The following KIF1A variants were observed in gnomAD, a reference collection of about 807,000 sequenced individuals.
The protein encoded by KIF1A is kinesin-like protein KIF1A.
KIF1A carries 46 observed loss-of-function variants against 227.3 expected under a neutral mutation model. The ratio of observed to expected loss-of-function variants is 0.20; its 90% CI spans 0.16 to 0.26. KIF1A has a LOEUF of 0.26. Ranked by LOEUF, KIF1A falls within the 10% of genes least tolerant of loss-of-function variation. KIF1A has a pLI of 1.00. For missense variants in KIF1A, 1,683 were observed against 2,485.9 expected (o/e 0.68, Z 6.87); for synonymous variants, 1,022 against 1,012.8 (o/e 1.01, Z -0.17).
In KIF1A at chr2:240,719,043, T is replaced by G; in HGVS notation, c.5177A>C (p.Gln1726Pro). The G allele has an allele frequency of 1.2e-6, 2 of 1,612,200 alleles. No individual in the cohort carries two copies. The highest frequency in any genetic ancestry group is 1.7e-6 in the Non-Finnish European group (2 of 1,179,418). Residue 1726 changes from glutamine to proline, a missense_variant, in exon 47 of 49, where the codon CAG becomes CCG. By Grantham distance (76) the Gln-to-Pro change is moderately conservative. This residue lies in a region of KIF1A where 384 missense variants were observed against 410.1 expected (regional missense o/e 0.94). Coordinates refer to ENST00000498729, the MANE Select transcript of KIF1A (RefSeq NM_001244008.2). ...ERFVLNLATA[Q>P]VEYSEDQQAM... Reference sequence around the variant, plus strand: ...CTGCTGGTCCTCACTGTACTCCACCTGGGCAGTGGCCAGGTTGAGCACGAA... The same window carrying G: ...CTGCTGGTCCTCACTGTACTCCACCGGGGCAGTGGCCAGGTTGAGCACGAA...
chr2:240,762,530 C>A (rs2050655544), intron 23 of KIF1A, among the ~76,000 whole-genome samples, 189 bp downstream of exon 23: 1 of 152,240 alleles, frequency 6.6e-6, no homozygotes, highest in African/African-American at 2.4e-5. Context: ...AGCTGTGGCA[C>A]AGTATCCCCC....
At chr2:240,751,180 C>G (rs945788235) in intron 27 of KIF1A, among the ~76,000 whole-genome samples, 2 of 152,156 alleles carry the variant, frequency 1.3e-5, no homozygotes, top group African/African-American at 4.8e-5. Context: ...TTCCTAGGAC[C>G]GGCCTAGGCA....
At chr2:240,810,861 G>A (rs577256591) in intron 1 of KIF1A, among the ~76,000 whole-genome samples, 14 of 152,286 alleles carry the variant, frequency 9.2e-5, no homozygotes, top group Non-Finnish European at 1.9e-4. Context: ...CCTCCTTCCC[G>A]CCAGGCCCCA....
At position 240,718,989 on chromosome 2, in the gene KIF1A, G is replaced by C; in HGVS notation, c.5214+17C>G. 1 of 1,589,648 alleles carries C rather than the reference G, an allele frequency of 6.3e-7. No homozygotes were observed. The highest frequency in any genetic ancestry group is 2.3e-5 in the East Asian group (1 of 44,202). Reference sequence around the variant, plus strand: ...TAGGGTTCCTGGTGCCCGAGCCTGAGCCGGGCCCAGCCGCACCTTGAGCAT... The same window carrying C: ...TAGGGTTCCTGGTGCCCGAGCCTGACCCGGGCCCAGCCGCACCTTGAGCAT... On this transcript the variant is annotated intron_variant, in intron 47 of 48. Coordinates refer to ENST00000498729, the MANE Select transcript of KIF1A (RefSeq NM_001244008.2).
In KIF1A at chr2:240,788,687, T is replaced by C. The variant is rs994065526; in HGVS notation, c.184-457A>G. On this transcript the variant is annotated intron_variant, in intron 3 of 48. Transcript: ENST00000498729. The surrounding 1 kb of genome is among the most constrained non-coding windows in gnomAD (Gnocchi z 6.6). ...CAGGGTGATTAGCTGGGGGTCATCC[T>C]GGAAGGAGGAAGGACTGGATGGGGA... Among the ~76,000 whole-genome samples the C allele has an allele frequency of 2.0e-5, 3 of 150,314 alleles. No homozygotes were observed. The highest frequency in any genetic ancestry group is 3.0e-5 in the Non-Finnish European group (2 of 67,474).
At chr2:240,749,532 T>C (rs1372866716) in intron 28 of KIF1A, among the ~76,000 whole-genome samples, 1 of 152,132 alleles carries the variant, frequency 6.6e-6, no homozygotes, top group Non-Finnish European at 1.5e-5. Flanking sequence ...AAAAGAGTGC[T>C]CCTTGGTGAG....
intron 41 of KIF1A, among the ~76,000 whole-genome samples, chr2:240,723,759 A>G (rs1163931836): frequency 6.6e-6 from 1 of 152,164 alleles, no homozygotes; most frequent in Non-Finnish European, 1.5e-5. Context: ...TCCCATGGCC[A>G]TCTCGGCTGT....
chr2:240,814,959 A>G (rs1187288682), intron 1 of KIF1A, among the ~76,000 whole-genome samples: 1 of 152,232 alleles, frequency 6.6e-6, no homozygotes, highest in Non-Finnish European at 1.5e-5. Flanking sequence ...TGGAGAAAAT[A>G]AAACACCAAC....
intron 40 of KIF1A, 41 bp from the exon 41 acceptor site, chr2:240,724,077 C>T (rs756476854): frequency 3.3e-5 from 52 of 1,556,412 alleles, no homozygotes; most frequent in Middle Eastern, 1.7e-4. Flanking sequence ...CACCAGGCCC[C>T]GCAACAGGGA....
Position 240,745,899 on chromosome 2 carries a change from T to C in KIF1A, c.3213A>G (p.Pro1071=), listed in dbSNP as rs201232478. Residue 1071 remains proline (P), a synonymous_variant, in exon 31 of 49, where the codon CCA becomes CCG. Transcript: ENST00000498729. ...CAGAGCTGTCTAGGAGGAGGCCTTCTGGGGGCACTGCTGCTGGGAGTCAAG... is the reference window on the plus strand; with the variant it reads ...CAGAGCTGTCTAGGAGGAGGCCTTCCGGGGGCACTGCTGCTGGGAGTCAAG... The part of the protein sequence containing the change: ...VNNNTCSAVP[P]EGLLLDSSEK... 6.9e-6 allele frequency: 11 copies of C among 1,603,336 alleles called. No individual in the cohort carries two copies. Among genetic ancestry groups the C allele is most frequent in the African/African-American group, 1.3e-5 (1 of 74,812 alleles).
At chr2:240,774,946 G>A (rs1283649045) in intron 11 of KIF1A, among the ~76,000 whole-genome samples, 1 of 152,186 alleles carries the variant, frequency 6.6e-6, no homozygotes, top group African/African-American at 2.4e-5. Flanking sequence ...TCCCCATAGG[G>A]ACTGAAGAGA....
chr2:240,769,685 C>T lies in KIF1A; in HGVS notation c.1363G>A (p.Glu455Lys). Reference sequence around the variant, plus strand: ...TTCTCCTCCCAGGTCTCATTGAGCTCAGCTATGATCTTCTCTGTTTCCTGG... The same window carrying T: ...TTCTCCTCCCAGGTCTCATTGAGCTTAGCTATGATCTTCTCTGTTTCCTGG... ...RLKETEKIIA[E>K]LNETWEEKLR... Residue 455 changes from glutamate (E) to lysine (K), a missense_variant, in exon 16 of 49, where the codon GAG (glutamate) becomes AAG (lysine). Physicochemically the swap from Glu to Lys is moderately conservative, Grantham distance 56 (BLOSUM62 1). Coordinates refer to ENST00000498729, the MANE Select transcript of KIF1A (RefSeq NM_001244008.2). 6.2e-7 allele frequency: 1 copy of T among 1,613,566 alleles called. No homozygotes were observed. The highest frequency in any genetic ancestry group is 8.5e-7 in the Non-Finnish European group (1 of 1,179,764).
At chr2:240,723,623 G>C in intron 41 of KIF1A, 65 bp from the exon 42 acceptor site, 2 of 1,470,426 alleles carry the variant, frequency 1.4e-6, no homozygotes, top group Non-Finnish European at 1.8e-6. Context: ...ACCCATCCTA[G>C]AGGTCCGCCC....
chr2:240,720,554 G>A, intron 45 of KIF1A: 1 of 181,782 alleles, frequency 5.5e-6, no homozygotes. Flanking sequence ...CAGGGGCCAG[G>A]TGTCCCCTCC....
In KIF1A at chr2:240,719,011, G is replaced by A. The variant is rs1383490161; in HGVS notation, c.5209C>T (p.Leu1737Phe). Residue 1737 changes from leucine to phenylalanine, a missense_variant, in exon 47 of 49, where the codon CTC becomes TTC. This residue lies in a region of KIF1A where 384 missense variants were observed against 410.1 expected (regional missense o/e 0.94). Transcript: ENST00000498729. ...TGAGCCGGGCCCAGCCGCACCTTGAGCATAGCCTGCTGGTCCTCACTGTAC... is the reference window on the plus strand; with the variant it reads ...TGAGCCGGGCCCAGCCGCACCTTGAACATAGCCTGCTGGTCCTCACTGTAC... ...VEYSEDQQAM[L>F]KTPNTFAVCT... 1 of 1,604,132 alleles carries A rather than the reference G, an allele frequency of 6.2e-7. No homozygotes were observed. The highest frequency in any genetic ancestry group is 8.5e-7 in the Non-Finnish European group (1 of 1,173,012).
At chr2:240,807,753 A>G (rs2057548948) in intron 1 of KIF1A, among the ~76,000 whole-genome samples, 1 of 152,258 alleles carries the variant, frequency 6.6e-6, no homozygotes, top group Non-Finnish European at 1.5e-5. Context: ...AGTTTCACTG[A>G]TGAACATAGG....
intron 10 of KIF1A, among the ~76,000 whole-genome samples, chr2:240,777,224 A>G (rs1002876834): frequency 2.0e-5 from 3 of 151,758 alleles, no homozygotes; most frequent in African/African-American, 7.3e-5. Context: ...TTGTATTTTT[A>G]AAGTAGAGAC....
chr2:240,766,741 T>A lies in KIF1A; in HGVS notation c.1684+174A>T, dbSNP rs1488371402. ...CTCCAAATCTCTCTCTCTCTCTCTC[T>A]CTCTCTCTCACACACACACACACAC... On this transcript the variant is annotated intron_variant, in intron 19 of 48. Transcript: ENST00000498729. This position sits in a 1 kb window ranked among gnomAD's most constrained non-coding sequence, Gnocchi z 5.0. 4.9e-4 allele frequency among the ~76,000 whole-genome samples: 55 copies of A among 112,600 alleles called. No individual in the cohort carries two copies. The highest frequency in any genetic ancestry group is 1.3e-3 in the Admixed American group (14 of 11,066). The allele number at this position is 112,600 out of a possible 152,430, so 73.9% of individuals were successfully genotyped here.
intron 2 of KIF1A, among the ~76,000 whole-genome samples, chr2:240,794,840 C>T (rs763339371): frequency 3.3e-5 from 5 of 152,184 alleles, no homozygotes; most frequent in Admixed American, 6.5e-5. Flanking sequence ...TTTCTTGGTG[C>T]GTCTTCGGCT....
Sources: allele counts gnomAD v4.1 joint callset (sites outside exome capture counted in the v4.1 genomes callset), GRCh38; gene constraint gnomAD v4.1.1; regional missense constraint gnomAD v4.1.1; non-coding constraint Gnocchi (gnomAD v3.1); transcripts MANE v1.5; gene names NCBI Gene and HGNC (gene_info 2026-07-23, HGNC 2026-07-21).